The following CIAO3 variants were observed in gnomAD, a reference collection of about 807,000 sequenced individuals.
CIAO3 encodes the protein cytosolic iron-sulfur assembly component 3, also known as LET1 like/JFP15.
A neutral mutation model predicts 51.5 loss-of-function variants in CIAO3; 45 were observed. That is an observed-to-expected ratio of 0.87 (90% confidence interval 0.69 to 1.12). CIAO3 has a LOEUF of 1.12. CIAO3 is among the 50% of genes most tolerant of loss of function. CIAO3 has a pLI of 0.00. For missense variants in CIAO3, 668 were observed against 632.5 expected (o/e 1.06, Z -0.60); for synonymous variants, 314 against 269.3 (o/e 1.17, Z -1.63).
intron 8 of CIAO3, chr16:732,075 A>G: frequency 1.8e-6 from 1 of 570,070 alleles, no homozygotes; most frequent in Admixed American, 3.1e-5. Context: ...ATGAGGTTTC[A>G]CCATGTTGGC....
At chr16:733,839 G>C in intron 6 of CIAO3, 1 of 363,142 alleles carries the variant, frequency 2.8e-6, no homozygotes, top group Middle Eastern at 8.9e-4. Context: ...GCACCACCGG[G>C]GCCGCCCTCG....
chr16:733,570 G>T, intron 6 of CIAO3, 143 bp from the exon 7 acceptor site: 1 of 1,272,456 alleles, frequency 7.9e-7, no homozygotes, highest in Non-Finnish European at 1.1e-6. Flanking sequence ...CCTCCTGCCG[G>T]CTCTGCGGAT....
intron 1 of CIAO3, chr16:740,379 G>A (rs2041378961): frequency 3.1e-6 from 1 of 325,770 alleles, no homozygotes; most frequent in Non-Finnish European, 6.1e-6. Flanking sequence ...CTACTGAGGA[G>A]CCACTGCGGG....
intron 1 of CIAO3, chr16:740,563 G>A (rs1195879711): frequency 2.7e-5 from 10 of 365,158 alleles, no homozygotes; most frequent in Non-Finnish European, 5.1e-5. Flanking sequence ...TGCGACCCAG[G>A]GGTCGGGTTA....
chr16:739,504 A>T, intron 2 of CIAO3, 139 bp downstream of exon 2: 1 of 835,576 alleles, frequency 1.2e-6, no homozygotes, highest in Non-Finnish European at 2.0e-6. Context: ...CCCAGATGGC[A>T]GGTGAATTCG....
Position 730,261 on chromosome 16 carries a change from G to A in CIAO3, c.*156C>T, listed in dbSNP as rs760553863. On this transcript the variant is annotated 3_prime_UTR_variant, in exon 11 of 11. Transcript: ENST00000251588. ...AGAGGCACCCAACTGGAGGTGACGA[G>A]GCGGCTGCGGGTCCTGGCTAGTCCT... 2.8e-6 allele frequency: 2 copies of A among 725,096 alleles called. No individual in the cohort carries two copies. The highest frequency in any genetic ancestry group is 4.5e-6 in the Non-Finnish European group (2 of 443,542). 44.9% of individuals were successfully genotyped at this position (725,096 alleles called of 1,614,324 possible).
Position 732,342 on chromosome 16 carries a change from G to A in CIAO3, c.855C>T (p.Gly285=), listed in dbSNP as rs1211553364. ...GEVFRLLEEE[G]VSLPDLEPAP... Reference sequence around the variant, plus strand: ...CTGGTTCCAGGTCGGGGAGGGAGACGCCCTCTTCCTCCAGCAACCTGAAAA... The same window carrying A: ...CTGGTTCCAGGTCGGGGAGGGAGACACCCTCTTCCTCCAGCAACCTGAAAA... The change falls in exon 8 of 11, where the codon GGC becomes GGT. Residue 285 remains glycine (G), a synonymous_variant. Transcript: ENST00000251588. 5.6e-6 allele frequency: 9 copies of A among 1,612,896 alleles called. No individual in the cohort carries two copies. The highest frequency in any genetic ancestry group is 3.3e-5 in the South Asian group (3 of 91,078).
intron 5 of CIAO3, 113 bp downstream of exon 5, chr16:734,624 A>T (rs1233239341): frequency 6.3e-7 from 1 of 1,577,888 alleles, no homozygotes; most frequent in Non-Finnish European, 8.7e-7. Context: ...GTCCCGCAAA[A>T]CCTGCTTGCG....
Position 730,363 on chromosome 16 carries a change from G to T in CIAO3, c.*54C>A. On this transcript the variant is annotated 3_prime_UTR_variant, in exon 11 of 11. Coordinates refer to ENST00000251588, the MANE Select transcript of CIAO3 (RefSeq NM_022493.3). ...GAAGCCCTGGGGTCTTGGGGCATGT[G>T]GTTCTGCTGTCACACATGGACACGG... 6.5e-7 allele frequency: 1 copy of T among 1,537,392 alleles called. No homozygotes were observed. Among genetic ancestry groups the T allele is most frequent in the Non-Finnish European group, 8.9e-7 (1 of 1,129,010 alleles).
At chr16:733,466 C>A in intron 6 of CIAO3, 39 bp from the exon 7 acceptor site, 8 of 1,611,402 alleles carry the variant, frequency 5.0e-6, no homozygotes, top group Non-Finnish European at 4.2e-6. Flanking sequence ...CCAATCCCAG[C>A]AGTAAGGTGG....
chr16:739,437 G>A, intron 2 of CIAO3: 1 of 604,812 alleles, frequency 1.7e-6, no homozygotes, highest in Non-Finnish European at 3.0e-6. Flanking sequence ...AGCAGATCAA[G>A]CTGTTTGGCC....
At chr16:740,807 T>C in intron 1 of CIAO3, 113 bp downstream of exon 1, 1 of 1,150,488 alleles carries the variant, frequency 8.7e-7, no homozygotes, top group Non-Finnish European at 1.2e-6. Context: ...CAGACCGGGC[T>C]CCCGGGATTC....
At chr16:740,818 G>A (rs1251196013) in intron 1 of CIAO3, 102 bp downstream of exon 1, 5 of 1,253,100 alleles carry the variant, frequency 4.0e-6, no homozygotes, top group Non-Finnish European at 5.5e-6. Flanking sequence ...CCCGGGATTC[G>A]GATCTCATTC....
chr16:740,059 A>C, intron 1 of CIAO3: 1 of 1,378,924 alleles, frequency 7.3e-7, no homozygotes, highest in Non-Finnish European at 9.6e-7. Flanking sequence ...TGACCACCAC[A>C]GAGACCAGAG....
At chr16:736,164 G>A in intron 4 of CIAO3, 102 bp downstream of exon 4, 2 of 1,446,532 alleles carry the variant, frequency 1.4e-6, no homozygotes, top group Admixed American at 3.7e-5. Flanking sequence ...TGAAGTTCAG[G>A]GCTGGGTAGC....
chr16:731,924 A>C, intron 8 of CIAO3: 1 of 614,098 alleles, frequency 1.6e-6, no homozygotes, highest in African/African-American at 1.9e-5. Flanking sequence ...GCTGGAGTGC[A>C]GTGGCGTGAT....
chr16:733,331 G>A lies in CIAO3; in HGVS notation c.790C>T (p.Gln264Ter). 1 of 1,613,784 alleles carries A rather than the reference G, an allele frequency of 6.2e-7. No individual in the cohort carries two copies. Among genetic ancestry groups the A allele is most frequent in the Non-Finnish European group, 8.5e-7 (1 of 1,179,992 alleles). Residue 264 changes from glutamine to a stop codon, truncating the protein, a stop_gained, in exon 7 of 11, where the codon CAG becomes TAG. Coordinates refer to ENST00000251588, the MANE Select transcript of CIAO3 (RefSeq NM_022493.3). LOFTEE classifies it high-confidence loss of function. ...SRPDFFNQEH[Q>*]TRDVDCVLTT... ...AGGACACAGTCCACATCCCGTGTCTGGTGCTCCTGGTTGAAAAAGTCGGGT... is the reference window on the plus strand; with the variant it reads ...AGGACACAGTCCACATCCCGTGTCTAGTGCTCCTGGTTGAAAAAGTCGGGT...
Position 731,638 on chromosome 16 carries a change from C to G in CIAO3, c.961G>C (p.Glu321Gln), listed in dbSNP as rs761130703. ...CGGGCCGCGTGCCGGAACACGTGCT[C>G]CAGGTAGCCCCCCGAGCCCCCTCCC... Reference protein sequence around the residue: ...HRGGGSGGYLEHVFRHAAREL... With the variant: ...HRGGGSGGYLQHVFRHAAREL... The change falls in exon 9 of 11, where the codon GAG (glutamate) becomes CAG (glutamine). Residue 321 changes from glutamate to glutamine, a missense_variant. Transcript: ENST00000251588. 1 of 1,558,972 alleles carries G rather than the reference C, an allele frequency of 6.4e-7. No individual in the cohort carries two copies. The highest frequency in any genetic ancestry group is 1.2e-5 in the South Asian group (1 of 84,774).
chr16:739,704 G>A lies in CIAO3; in HGVS notation c.101C>T (p.Ala34Val), dbSNP rs1262061230. ...CIKPVKVEKR[A>V]GSGVAKIRIE... ...GCGAATCTTGGCCACGCCACTTCCC[G>A]CCCTTTTTTCCACTTTGACAGGCTT... The change falls in exon 2 of 11, where the codon GCG (alanine) becomes GTG (valine). Residue 34 changes from alanine to valine, a missense_variant. Coordinates refer to ENST00000251588, the MANE Select transcript of CIAO3 (RefSeq NM_022493.3). The A allele has an allele frequency of 7.4e-6, 12 of 1,613,928 alleles. No homozygotes were observed. Among genetic ancestry groups the A allele is most frequent in the African/African-American group, 1.3e-5 (1 of 74,914 alleles).
Sources: gnomAD v4.1 joint callset for allele counts on GRCh38, gnomAD v4.1.1 for gene constraint, MANE v1.5 for transcripts, NCBI Gene and HGNC (gene_info 2026-07-23, HGNC 2026-07-21) for gene names.